Variants in CYP2W1 observed in about 807,000 individuals in gnomAD.
CYP2W1 encodes the protein cytochrome P450 family 2 subfamily W member 1.
A neutral mutation model predicts 44.9 loss-of-function variants in CYP2W1; 51 were observed. The ratio of observed to expected loss-of-function variants is 1.14; its 90% CI spans 0.91 to 1.43. The LOEUF (loss-of-function observed/expected upper bound fraction) is 1.43, where lower values mean the gene tolerates loss of function less well. Ranked by LOEUF, CYP2W1 falls within the 40% of genes most tolerant of loss-of-function variation. The pLI is 0.00. For synonymous variants in CYP2W1, 383 were observed against 338.3 expected (o/e 1.13, Z -1.45); for missense variants, 746 against 700.0 (o/e 1.07, Z -0.74).
At position 987,432 on chromosome 7, in the gene CYP2W1, C is replaced by T. The variant is rs768296469; in HGVS notation, c.1044C>T (p.Ser348=). 8.8e-6 allele frequency: 14 copies of T among 1,591,212 alleles called. No homozygotes were observed. Among genetic ancestry groups the T allele is most frequent in the Middle Eastern group, 1.7e-4 (1 of 6,048 alleles). The change falls in exon 7 of 9, where the codon AGC becomes AGT. Residue 348 remains serine, a synonymous_variant. Transcript: ENST00000308919. The stretch of plus-strand genomic sequence containing the variant: ...ACCAGCAGGCTCTGCCCTACACAAG[C>T]GCCGTGCTCCACGAGGTGCAGCGGT... ...LEDQQALPYT[S]AVLHEVQRFI...
Position 985,105 on chromosome 7 carries a change from CA to C in CYP2W1, c.487+7del. On this transcript the variant is annotated splice_region_variant and intron_variant, in intron 3 of 8. Coordinates refer to ENST00000308919, the MANE Select transcript of CYP2W1 (RefSeq NM_017781.3). The stretch of plus-strand genomic sequence containing the variant: ...GCAGCTGGATGGCTACAGAGGTGAG[CA>C]GGGGGCCGGGGACGCCCCTCCCCGG... 1 of 1,611,170 alleles carries C rather than the reference CA, an allele frequency of 6.2e-7. No homozygotes were observed. Among genetic ancestry groups the C allele is most frequent in the Non-Finnish European group, 8.5e-7 (1 of 1,179,226 alleles).
chr7:988,605 G>T (rs1234579432), intron 8 of CYP2W1, 30 bp from the exon 9 acceptor site: 1 of 1,603,110 alleles, frequency 6.2e-7, no homozygotes, highest in Non-Finnish European at 8.5e-7. Context: ...GCCTGGTGCA[G>T]CCCACTCTGT....
chr7:986,636 TACC>T lies in CYP2W1; in HGVS notation c.659_661del (p.Tyr220_Pro221delinsSer). On this transcript the variant is annotated inframe_deletion, in exon 5 of 9. Transcript: ENST00000308919. ...GCCTCCTGCCCAGCTGTTCAACGTC[TACC>T]CATGGCTCGGGGCCCTGCTCCAGCT... is the stretch of plus-strand genomic sequence containing the variant. 1 of 1,612,676 alleles carries T rather than the reference TACC, an allele frequency of 6.2e-7. No individual in the cohort carries two copies. Among genetic ancestry groups the T allele is most frequent in the Non-Finnish European group, 8.5e-7 (1 of 1,179,862 alleles).
At chr7:984,656 G>A (rs1430710811) in intron 2 of CYP2W1, 82 bp downstream of exon 2, 2 of 1,492,874 alleles carry the variant, frequency 1.3e-6, no homozygotes, top group Non-Finnish European at 1.8e-6. Context: ...CCAGCAGCGG[G>A]AGAGGCTCCC....
Position 985,278 on chromosome 7 carries a change from T to G in CYP2W1, c.600T>G (p.Gly200=). 6.4e-7 allele frequency: 1 copy of G among 1,551,682 alleles called. No homozygotes were observed. The highest frequency in any genetic ancestry group is 1.4e-5 in the African/African-American group (1 of 73,250). ...YRDPVFVSLL[G]LIDEVMVLLG... is the part of the protein sequence containing the mutation. ...ACCCCGTGTTTGTGTCCCTGCTGGG[T>G]CTCATCGATGAGGTCATGGTCCTCT... The change falls in exon 4 of 9, where the codon GGT becomes GGG. Residue 200 remains glycine (G), a synonymous_variant. Coordinates refer to ENST00000308919, the MANE Select transcript of CYP2W1 (RefSeq NM_017781.3).
rs950086705 is a variant in CYP2W1, at chr7:984,447, C to T, written c.210C>T (p.His70=). The T allele has an allele frequency of 7.7e-6, 12 of 1,549,480 alleles. No individual in the cohort carries two copies. The African/African-American group carries it at 1.2e-4, about 16-fold the overall frequency. ...GCTACGGGCCGGTGTTCACCGTGCA[C>T]CTGGGGCGCCAGAAGACGGTGGTGC... ...SERYGPVFTV[H]LGRQKTVVLT... The change falls in exon 2 of 9, where the codon CAC becomes CAT. Residue 70 remains histidine, a synonymous_variant. Transcript: ENST00000308919.
intron 1 of CYP2W1, 36 bp from the exon 2 acceptor site, chr7:984,376 G>T: frequency 6.5e-7 from 1 of 1,540,074 alleles, no homozygotes. Context: ...TCTTGTGGGT[G>T]AGGGCTGCCC....
intron 1 of CYP2W1, among the ~76,000 whole-genome samples, chr7:984,103 A>G (rs1848134882): frequency 1.3e-5 from 2 of 152,158 alleles, no homozygotes; most frequent in African/African-American, 2.4e-5. Flanking sequence ...GTGCCACCCC[A>G]GCAGACAGCC....
At position 984,944 on chromosome 7, in the gene CYP2W1, C is replaced by T; in HGVS notation, c.338-6C>T. ...TGGGCTCACCACGCACTGTATCTGC[C>T]TACAGGCATCTTCTTCTCATCTGGG... On this transcript the variant is annotated splice_region_variant and splice_polypyrimidine_tract_variant and intron_variant, in intron 2 of 8. Coordinates refer to ENST00000308919, the MANE Select transcript of CYP2W1 (RefSeq NM_017781.3). The T allele has an allele frequency of 1.3e-6, 2 of 1,593,988 alleles. No homozygotes were observed. The highest frequency in any genetic ancestry group is 2.7e-5 in the African/African-American group (2 of 74,824).
In CYP2W1 at chr7:988,986, C is replaced by A. The variant is rs573252264; in HGVS notation, c.*164C>A. The A allele has an allele frequency of 1.0e-4, 59 of 581,360 alleles. No individual in the cohort carries two copies. Among genetic ancestry groups the A allele is most frequent in the South Asian group, 9.5e-4 (43 of 45,466 alleles). The allele number at this position is 581,360 out of a possible 1,614,324, so 36.0% of individuals were successfully genotyped here. A position where few individuals can be genotyped will look rare whatever the true frequency, so the allele number is the denominator to read the frequency against. On this transcript the variant is annotated 3_prime_UTR_variant, in exon 9 of 9. Transcript: ENST00000308919. ...GGTCAGCAACTGCTTCCGGTTACAC[C>A]CAGGACTACCCCTGCCCGACCCTGT...
chr7:989,133 A>T lies in CYP2W1; in HGVS notation c.*311A>T. On this transcript the variant is annotated 3_prime_UTR_variant, in exon 9 of 9. Coordinates refer to ENST00000308919, the MANE Select transcript of CYP2W1 (RefSeq NM_017781.3). ...CACTCCCACCCACCTAGCTCCCCCC[A>T]GGGCCCCCCAGCACCTACAGCTGGG... 1 of 366,268 alleles carries T rather than the reference A, an allele frequency of 2.7e-6. No homozygotes were observed. Among genetic ancestry groups the T allele is most frequent in the Non-Finnish European group, 4.9e-6 (1 of 205,262 alleles). 22.7% of individuals were successfully genotyped at this position (366,268 alleles called of 1,614,324 possible). A position where few individuals can be genotyped will look rare whatever the true frequency, so the allele number is the denominator to read the frequency against.
In CYP2W1 at chr7:988,335, C is replaced by A; in HGVS notation, c.1202C>A (p.Thr401Asn). ...CTCCTGGATGAGACACAGTGGCAGA[C>A]CCCAGGCCAGTTCAACCCCGGCCAT... ...SVLLDETQWQ[T>N]PGQFNPGHFL... The change falls in exon 8 of 9, where the codon ACC (threonine) becomes AAC (asparagine). Residue 401 changes from threonine (T) to asparagine (N), a missense_variant. Thr to Asn is a moderately conservative substitution (Grantham distance 65). Coordinates refer to ENST00000308919, the MANE Select transcript of CYP2W1 (RefSeq NM_017781.3). 1 of 1,612,452 alleles carries A rather than the reference C, an allele frequency of 6.2e-7. No homozygotes were observed. Among genetic ancestry groups the A allele is most frequent in the Non-Finnish European group, 8.5e-7 (1 of 1,179,678 alleles).
Position 983,232 on chromosome 7 carries a change from G to T in CYP2W1, c.21G>T (p.Leu7=). Reference sequence around the variant, plus strand: ...TCCTCATGGCCCTGCTGCTCTTGCTGTTCCTGGGCCTCCTGGGGCTCTGGG... The same window carrying T: ...TCCTCATGGCCCTGCTGCTCTTGCTTTTCCTGGGCCTCCTGGGGCTCTGGG... MALLLL[L]FLGLLGLWGL... Residue 7 remains leucine (L), a synonymous_variant, in exon 1 of 9, where the codon CTG becomes CTT. Coordinates refer to ENST00000308919, the MANE Select transcript of CYP2W1 (RefSeq NM_017781.3). 6.5e-7 allele frequency: 1 copy of T among 1,527,800 alleles called. No homozygotes were observed. The highest frequency in any genetic ancestry group is 2.0e-5 in the Admixed American group (1 of 49,842). The allele number at this position is 1,527,800 out of a possible 1,614,324, so 94.6% of individuals were successfully genotyped here.
rs1562952725 is a variant in CYP2W1 at position 984,492 on chromosome 7, CAA to C, written c.257_258del (p.Lys86ArgfsTer59). The stretch of plus-strand genomic sequence containing the variant: ...TGGTGCTGACGGGGTTCGAGGCGGT[CAA>C]AGAGGCGCTGGCGGGCCCCGGGCAG... The part of the protein sequence containing the change: ...TVVLTGFEAV[K>X]EALAGPGQEL... On this transcript the variant is annotated frameshift_variant, in exon 2 of 9. Transcript: ENST00000308919. LOFTEE classifies it high-confidence loss of function. 2 of 1,552,684 alleles carry C rather than the reference CAA, an allele frequency of 1.3e-6. No individual in the cohort carries two copies. Among genetic ancestry groups the C allele is most frequent in the Non-Finnish European group, 1.7e-6 (2 of 1,148,810 alleles).
chr7:988,538 T>C, intron 8 of CYP2W1, 97 bp from the exon 9 acceptor site: 1 of 1,597,474 alleles, frequency 6.3e-7, no homozygotes, highest in African/African-American at 1.3e-5. Flanking sequence ...AAGGCGGCTG[T>C]GGTGGCTGCT....
intron 8 of CYP2W1, 74 bp from the exon 9 acceptor site, chr7:988,561 T>A (rs1848574899): frequency 6.3e-7 from 1 of 1,597,540 alleles, no homozygotes; most frequent in African/African-American, 1.3e-5. Flanking sequence ...TGTGCTCCCC[T>A]GGGGAGGTCC....
intron 1 of CYP2W1, among the ~76,000 whole-genome samples, chr7:984,149 G>GC (rs886284204): frequency 7.9e-5 from 12 of 152,204 alleles, no homozygotes; most frequent in African/African-American, 2.7e-4. Flanking sequence ...CAGGGCTTGA[G>GC]CCCCCCAGGA....
intron 4 of CYP2W1, 29 bp downstream of exon 4, chr7:985,352 G>A (rs765487925): frequency 4.5e-6 from 7 of 1,545,392 alleles, no homozygotes; most frequent in Admixed American, 2.0e-5. Context: ...TCCTTGGGGT[G>A]GGGTGGAGCC....
Position 987,176 on chromosome 7 carries a change from G to A in CYP2W1, c.889G>A (p.Gly297Arg), listed in dbSNP as rs376749499. 52 of 1,565,270 alleles carry A rather than the reference G, an allele frequency of 3.3e-5. No homozygotes were observed. The highest frequency in any genetic ancestry group is 4.0e-5 in the Non-Finnish European group (46 of 1,155,866). Residue 297 changes from glycine (G) to arginine (R), a missense_variant, in exon 6 of 9, where the codon GGG (glycine) becomes AGG (arginine). Transcript: ENST00000308919. ...CTGCACCCTGGACATGGTCATGGCCGGGACGGAGACGACCTCGGCCACGCT... is the reference window on the plus strand; with the variant it reads ...CTGCACCCTGGACATGGTCATGGCCAGGACGGAGACGACCTCGGCCACGCT... Reference protein sequence around the residue: ...VACTLDMVMAGTETTSATLQW... With the variant: ...VACTLDMVMARTETTSATLQW...
Sources: gnomAD v4.1 joint callset for allele counts (sites outside exome capture counted in the v4.1 genomes callset) on GRCh38, gnomAD v4.1.1 for gene constraint, MANE v1.5 for transcripts, NCBI Gene and HGNC (gene_info 2026-07-23, HGNC 2026-07-21) for gene names.